The following INTS6 variants were observed in gnomAD, a reference collection of about 807,000 sequenced individuals.
The protein encoded by INTS6 is DEAD box protein.
In INTS6, 16 loss-of-function variants were observed where a neutral mutation model predicts 104.9. The ratio of observed to expected loss-of-function variants is 0.15; its 90% CI spans 0.10 to 0.23. INTS6 has a LOEUF of 0.23. Among genes scored for constraint, INTS6 ranks in the 10% least tolerant of loss-of-function variants. INTS6 has a pLI of 1.00. For missense variants in INTS6, 584 were observed against 1,062.8 expected, an observed-to-expected ratio of 0.55 and a Z score of 6.26; for synonymous variants, 324 against 358.7, an observed-to-expected ratio of 0.90 and a Z score of 1.09.
rs865807808 is a variant in INTS6 at position 51,382,652 on chromosome 13, C to G, written c.1181-529G>C. Among the ~76,000 whole-genome samples, 95 of 151,654 alleles carry G rather than the reference C, an allele frequency of 6.3e-4. 2 individuals carry two copies. The highest frequency in any genetic ancestry group is 4.5e-3 in the Admixed American group (69 of 15,278). ...TGTAGATAAATTCTTAGAAAATGCACTCAGATCTTGTTAACTATACTATGT... is the reference window on the plus strand; with the variant it reads ...TGTAGATAAATTCTTAGAAAATGCAGTCAGATCTTGTTAACTATACTATGT... On this transcript the variant is annotated intron_variant, in intron 9 of 17. Transcript: ENST00000311234.
At chr13:51,448,044 G>C (rs1335955177) in intron 3 of INTS6, 14 of 152,174 alleles carry the variant, frequency 9.2e-5, no homozygotes, top group Non-Finnish European at 2.1e-4. Context: ...GGCAACAAGA[G>C]AGAAACTCTG....
rs1164099484 is a variant in INTS6 at position 51,369,207 on chromosome 13, A to G, written c.2208T>C (p.Phe736=). ...DITPNAMDTE[F]SASSPASLLE... is the part of the protein sequence containing the mutation. ...GTAAACTGGCTGGAGAAGATGCTGA[A>G]AATTCCGTATCCATAGCATTTGGTG... Residue 736 remains phenylalanine, a synonymous_variant, in exon 16 of 18, where the codon TTT becomes TTC. Coordinates refer to ENST00000311234, the MANE Select transcript of INTS6 (RefSeq NM_012141.3). 1 of 1,613,754 alleles carries G rather than the reference A, an allele frequency of 6.2e-7. No individual in the cohort carries two copies. Among genetic ancestry groups the G allele is most frequent in the Non-Finnish European group, 8.5e-7 (1 of 1,179,866 alleles).
At chr13:51,398,745 A>G (rs1245114082) in intron 4 of INTS6, among the ~76,000 whole-genome samples, 2 of 151,566 alleles carry the variant, frequency 1.3e-5, no homozygotes, top group African/African-American at 4.8e-5. Flanking sequence ...AAAAAAAAAA[A>G]GCAATTGACT....
chr13:51,378,512 C>T lies in INTS6; in HGVS notation c.1387-58G>A. The stretch of plus-strand genomic sequence containing the variant: ...AAAATCTAAATTAATAAATCAGATA[C>T]TAATGGTTATGATCTTCTATAAATT... On this transcript the variant is annotated intron_variant, in intron 11 of 17. Transcript: ENST00000311234. 3 of 1,083,144 alleles carry T rather than the reference C, an allele frequency of 2.8e-6. No homozygotes were observed. The South Asian group carries it at 4.5e-5, about 16-fold the overall frequency. 67.1% of individuals were successfully genotyped at this position (1,083,144 alleles called of 1,614,324 possible).
intron 4 of INTS6, among the ~76,000 whole-genome samples, chr13:51,396,829 A>G (rs7323366): frequency 0.67 from 101,713 of 152,078 alleles, 35,561 homozygotes; most frequent in African/African-American, 0.89. Context: ...GGGAATCTGA[A>G]GAGTTAAAAC....
At chr13:51,397,652 C>T (rs1956363076) in intron 4 of INTS6, among the ~76,000 whole-genome samples, 1 of 152,200 alleles carries the variant, frequency 6.6e-6, no homozygotes, top group Non-Finnish European at 1.5e-5. Flanking sequence ...TTGGGAAACA[C>T]AGCTACCAAG....
rs773660348 is a variant in INTS6, at chr13:51,378,374, T to C, written c.1467A>G (p.Arg489=). ...TATATGCCATTGATAAACCATGTGATCGGCTCCGGACTTTTATTCCAGTCT... is the reference window on the plus strand; with the variant it reads ...TATATGCCATTGATAAACCATGTGACCGGCTCCGGACTTTTATTCCAGTCT... The part of the protein sequence containing the change: ...VQETGIKVRS[R]SHGLSMAYRK... Residue 489 remains arginine, a synonymous_variant, in exon 12 of 18, where the codon CGA becomes CGG. Transcript: ENST00000311234. 11 of 1,613,442 alleles carry C rather than the reference T, an allele frequency of 6.8e-6. No individual in the cohort carries two copies. Among genetic ancestry groups the C allele is most frequent in the Middle Eastern group, 1.6e-4 (1 of 6,078 alleles).
At chr13:51,424,555 T>G (rs1956953769) in intron 4 of INTS6, among the ~76,000 whole-genome samples, 1 of 152,016 alleles carries the variant, frequency 6.6e-6, no homozygotes, top group East Asian at 1.9e-4. Flanking sequence ...ATCCAGGGGT[T>G]GAGAGAACAG....
At chr13:51,340,886 A>G in the INTS6 span, 13 of 598,942 alleles carry the variant, frequency 2.2e-5, no homozygotes, top group South Asian at 1.4e-4. Flanking sequence ...TGCTGAAACA[A>G]GAGGGTGCAG....
chr13:51,414,793 C>T (rs1266174473), intron 4 of INTS6, among the ~76,000 whole-genome samples: 3 of 148,386 alleles, frequency 2.0e-5, no homozygotes, highest in Non-Finnish European at 4.5e-5. Context: ...GATTCATTTC[C>T]GTTTCTTCCT....
chr13:51,452,604 C>A lies in INTS6; in HGVS notation c.-79G>T. On this transcript the variant is annotated 5_prime_UTR_variant, in exon 1 of 18. Coordinates refer to ENST00000311234, the MANE Select transcript of INTS6 (RefSeq NM_012141.3). The surrounding 1 kb of genome is among the most constrained non-coding windows in gnomAD (Gnocchi z 4.2). ...GAGGTGGAGGCGCCGGTGGCGGCGA[C>A]CGCCGCTACGCGGGGCGGGGGAGCA... 3 of 1,556,408 alleles carry A rather than the reference C, an allele frequency of 1.9e-6. No homozygotes were observed. Among genetic ancestry groups the A allele is most frequent in the Non-Finnish European group, 2.6e-6 (3 of 1,149,014 alleles).
At chr13:51,407,111 C>T (rs2138016396) in intron 4 of INTS6, among the ~76,000 whole-genome samples, 1 of 151,700 alleles carries the variant, frequency 6.6e-6, no homozygotes, top group Admixed American at 6.6e-5. Context: ...ACATGCTAGT[C>T]CCTCTGTCTG....
At chr13:51,433,823 G>A (rs1163116014) in intron 3 of INTS6, among the ~76,000 whole-genome samples, 1 of 152,052 alleles carries the variant, frequency 6.6e-6, no homozygotes, top group East Asian at 1.9e-4. Context: ...ACCCTTAAAC[G>A]GGCCTGAAAT....
At chr13:51,412,356 T>C (rs542205369) in intron 4 of INTS6, among the ~76,000 whole-genome samples, 4 of 152,214 alleles carry the variant, frequency 2.6e-5, no homozygotes, top group Non-Finnish European at 5.9e-5. Context: ...AAAATGTGAG[T>C]GTCATGTATT....
chr13:51,403,124 T>TA (rs2137997771), intron 4 of INTS6, among the ~76,000 whole-genome samples: 1 of 152,230 alleles, frequency 6.6e-6, no homozygotes, highest in Non-Finnish European at 1.5e-5. Flanking sequence ...CTGTAGAATG[T>TA]AAAAAATAGA....
the INTS6 span, among the ~76,000 whole-genome samples, chr13:51,343,608 A>G: frequency 6.6e-6 from 1 of 152,252 alleles, no homozygotes; most frequent in South Asian, 2.1e-4. Context: ...CCTTTCACTG[A>G]CATTAATAAC....
rs1955648973 is a variant in INTS6 at position 51,364,549 on chromosome 13, G to A, written c.*1203C>T. ...ACAGCAGTGATCATGAATGGTGAGT[G>A]AGTCAGGCCATAAGATTGCTTCCTC... On this transcript the variant is annotated 3_prime_UTR_variant, in exon 18 of 18. Transcript: ENST00000311234. 9.1e-6 allele frequency: 3 copies of A among 329,126 alleles called. No individual in the cohort carries two copies. Among genetic ancestry groups the A allele is most frequent in the South Asian group, 7.3e-5 (1 of 13,676 alleles). 20.4% of individuals were successfully genotyped at this position (329,126 alleles called of 1,614,324 possible).
At chr13:51,418,389 A>T (rs1214413602) in intron 4 of INTS6, among the ~76,000 whole-genome samples, 1 of 152,154 alleles carries the variant, frequency 6.6e-6, no homozygotes, top group African/African-American at 2.4e-5. Flanking sequence ...AAAATCAAGT[A>T]AATTTCCCTT....
At position 51,387,383 on chromosome 13, in the gene INTS6, T is replaced by C; in HGVS notation, c.894+3A>G. 6.2e-7 allele frequency: 1 copy of C among 1,609,724 alleles called. No homozygotes were observed. Among genetic ancestry groups the C allele is most frequent in the Non-Finnish European group, 8.5e-7 (1 of 1,177,864 alleles). On this transcript the variant is annotated splice_donor_region_variant and intron_variant, in intron 7 of 17. Transcript: ENST00000311234. ...TTACATAGTTACAGTCTCTGGTACT[T>C]ACTAGTGTTGGCGAATTTTGATCTG...
Sources: gnomAD v4.1 joint callset for allele counts (sites outside exome capture counted in the v4.1 genomes callset) on GRCh38, gnomAD v4.1.1 for gene constraint, Gnocchi (gnomAD v3.1) non-coding constraint, MANE v1.5 for transcripts, NCBI Gene and HGNC (gene_info 2026-07-23, HGNC 2026-07-21) for gene names.